The following BMPR1A variants were observed in gnomAD, a reference collection of about 807,000 sequenced individuals.
BMPR1A encodes bone morphogenetic protein receptor type 1A.
In BMPR1A, 7 loss-of-function variants were observed where a neutral mutation model predicts 66.0. That is an observed-to-expected ratio of 0.11 (90% CI 0.06 to 0.20). The LOEUF (loss-of-function observed/expected upper bound fraction) is 0.20. Ranked by LOEUF, BMPR1A falls within the 10% of genes least tolerant of loss-of-function variation. The probability of loss-of-function intolerance (pLI) is 1.00; values close to 1 mark genes in which losing one functional copy is unlikely to be tolerated. For synonymous variants in BMPR1A, 200 were observed against 229.7 expected, an observed-to-expected ratio of 0.87 and a Z score of 1.17; for missense variants, 408 against 669.1, an observed-to-expected ratio of 0.61 and a Z score of 4.31.
chr10:86,814,352 C>T (rs1842007159), intron 1 of BMPR1A, among the ~76,000 whole-genome samples: 1 of 152,022 alleles, frequency 6.6e-6, no homozygotes, highest in Non-Finnish European at 1.5e-5. Flanking sequence ...TGTTCTCCTG[C>T]TTTTGCTTTC....
chr10:86,919,047 A>C, intron 9 of BMPR1A, 125 bp from the exon 10 acceptor site: 1 of 985,390 alleles, frequency 1.0e-6, no homozygotes, highest in Non-Finnish European at 1.6e-6. Context: ...ACTTGGTGTC[A>C]GGCGAATTAA....
At chr10:86,834,277 G>A (rs1486182299) in intron 1 of BMPR1A, among the ~76,000 whole-genome samples, 1 of 152,066 alleles carries the variant, frequency 6.6e-6, no homozygotes, top group African/African-American at 2.4e-5. Context: ...TTTTCCCCTT[G>A]CCTTTTGAGT....
intron 1 of BMPR1A, among the ~76,000 whole-genome samples, chr10:86,837,763 C>G (rs559973853): frequency 6.6e-6 from 1 of 152,078 alleles, no homozygotes; most frequent in Non-Finnish European, 1.5e-5. Flanking sequence ...CTGAAAGGCT[C>G]CTGAATGCAG....
At chr10:86,785,336 G>A (rs754658227) in intron 1 of BMPR1A, among the ~76,000 whole-genome samples, 5 of 152,120 alleles carry the variant, frequency 3.3e-5, no homozygotes, top group Admixed American at 1.3e-4. Context: ...TGGAGTTTCC[G>A]CTCTTGTTGC....
rs1841251475 is a variant in BMPR1A at position 86,771,104 on chromosome 10, A to G, written c.-268+14185A>G. ...AGCATTAAGTGTATCATTTAATTTT[A>G]TCTCAGATTTATAAGCTGTATATTA... On this transcript the variant is annotated intron_variant, in intron 1 of 12. Coordinates refer to ENST00000372037, the MANE Select transcript of BMPR1A (RefSeq NM_004329.3). 2.0e-5 allele frequency among the ~76,000 whole-genome samples: 3 copies of G among 152,200 alleles called. No individual in the cohort carries two copies. In the South Asian group the frequency reaches 6.2e-4, roughly 32 times the overall value.
chr10:86,899,773 T>TTATCA (rs1231008639), intron 5 of BMPR1A, 21 bp from the exon 6 acceptor site: 1 of 1,598,324 alleles, frequency 6.3e-7, no homozygotes, highest in Admixed American at 1.7e-5. Flanking sequence ...ATTTCTAATT[T>TTATCA]TATCATTACT....
chr10:86,915,294 G>A (rs1843549646), intron 8 of BMPR1A, among the ~76,000 whole-genome samples: 1 of 152,054 alleles, frequency 6.6e-6, no homozygotes, highest in Non-Finnish European at 1.5e-5. Context: ...GCCTCCCAAA[G>A]TGTTGGGATT....
chr10:86,856,766 G>A lies in BMPR1A; in HGVS notation c.-153+17787G>A, dbSNP rs1842647325. ...CCCAACGAGACTGCCCTTGCTGCGAGTACAAGTTAAAAGTTTGGTGGTCCC... is the reference window on the plus strand; with the variant it reads ...CCCAACGAGACTGCCCTTGCTGCGAATACAAGTTAAAAGTTTGGTGGTCCC... On this transcript the variant is annotated intron_variant, in intron 2 of 12. Coordinates refer to ENST00000372037, the MANE Select transcript of BMPR1A (RefSeq NM_004329.3). 2.0e-5 allele frequency among the ~76,000 whole-genome samples: 3 copies of A among 152,208 alleles called. No individual in the cohort carries two copies. In the South Asian group the frequency reaches 6.2e-4, roughly 32 times the overall value.
chr10:86,864,780 A>G (rs146206620), intron 2 of BMPR1A, among the ~76,000 whole-genome samples: 1,591 of 152,134 alleles, frequency 0.01, 26 homozygotes, highest in African/African-American at 0.036. Flanking sequence ...TAGTTTCTCA[A>G]TTCATCCAAA....
intron 1 of BMPR1A, among the ~76,000 whole-genome samples, chr10:86,788,505 C>T (rs1165732918): frequency 6.6e-6 from 1 of 152,216 alleles, no homozygotes; most frequent in African/African-American, 2.4e-5. Context: ...TAGAGGTGCA[C>T]AAGCACATGG....
Position 86,842,856 on chromosome 10 carries a change from C to CTTG in BMPR1A, c.-153+3877_-153+3878insTTG, listed in dbSNP as rs1564700919. ...TACAAAATCATCAGATCTTGTGAGA[C>CTTG]GTATTCACTACCAAGAGAACAGTAT... On this transcript the variant is annotated intron_variant, in intron 2 of 12. Transcript: ENST00000372037. Among the ~76,000 whole-genome samples, 193 of 152,212 alleles carry CTTG rather than the reference C, an allele frequency of 1.3e-3. 2 individuals carry two copies. Among genetic ancestry groups the CTTG allele is most frequent in the African/African-American group, 4.5e-3 (187 of 41,536 alleles).
chr10:86,930,276 A>C (rs937151186), downstream of BMPR1A: 1 of 152,446 alleles, frequency 6.6e-6, no homozygotes, highest in Non-Finnish European at 1.5e-5. Context: ...GTTCATTCAT[A>C]ATCTTTTTTT....
intron 8 of BMPR1A, among the ~76,000 whole-genome samples, chr10:86,915,708 C>T (rs574387042): frequency 3.4e-4 from 52 of 152,192 alleles, no homozygotes; most frequent in African/African-American, 8.4e-4. Context: ...GCCTGAGCAA[C>T]GGAGCGAGAC....
intron 2 of BMPR1A, among the ~76,000 whole-genome samples, chr10:86,868,698 G>C (rs555290852): frequency 6.6e-6 from 1 of 152,054 alleles, no homozygotes; most frequent in South Asian, 2.1e-4. Flanking sequence ...GAAAATCAAC[G>C]GTGGGGGGCT....
intron 1 of BMPR1A, among the ~76,000 whole-genome samples, chr10:86,797,519 C>T (rs1414359317): frequency 6.6e-6 from 1 of 152,084 alleles, no homozygotes; most frequent in Non-Finnish European, 1.5e-5. Context: ...GCATGAACTA[C>T]TGCGCCCAGC....
At chr10:86,807,162 A>G (rs2125055) in intron 1 of BMPR1A, among the ~76,000 whole-genome samples, 33,328 of 151,882 alleles carry the variant, frequency 0.22, 4,778 homozygotes, top group East Asian at 0.64. Context: ...ACTTTCAACA[A>G]ATGTATCTAG....
chr10:86,856,055 C>G, intron 2 of BMPR1A: 1 of 591,628 alleles, frequency 1.7e-6, no homozygotes, highest in Admixed American at 2.0e-5. Context: ...TCAAAAAACT[C>G]AGATGCTTCA....
intron 1 of BMPR1A, among the ~76,000 whole-genome samples, chr10:86,781,010 GT>G (rs925880264): frequency 6.6e-5 from 10 of 152,082 alleles, no homozygotes; most frequent in African/African-American, 2.4e-4. Flanking sequence ...GCCAAAATCA[GT>G]TTTAATATAT....
chr10:86,836,300 T>TTTA (rs2133095647), intron 1 of BMPR1A, among the ~76,000 whole-genome samples: 1 of 111,724 alleles, frequency 9.0e-6, no homozygotes, highest in East Asian at 3.7e-4. Flanking sequence ...ATTGCAAAGG[T>TTTA]CCTAACCTTT....
Sources: gnomAD v4.1 joint callset for allele counts (sites outside exome capture counted in the v4.1 genomes callset) on GRCh38, gnomAD v4.1.1 for gene constraint, MANE v1.5 for transcripts, NCBI Gene and HGNC (gene_info 2026-07-23, HGNC 2026-07-21) for gene names.